PTPN5: variants seen among roughly 807,000 people sequenced by gnomAD.
PTPN5 encodes protein tyrosine phosphatase non-receptor type 5.
Under a neutral mutation model 73.9 loss-of-function variants are expected in PTPN5, and 29 were observed. That is an observed-to-expected ratio of 0.39 (90% CI 0.29 to 0.54). PTPN5 has a LOEUF of 0.54. Among genes scored for constraint, PTPN5 ranks in the 20% least tolerant of loss-of-function variants. The pLI is 0.65. For synonymous variants in PTPN5, 267 were observed against 304.7 expected, an observed-to-expected ratio of 0.88 and a Z score of 1.29; for missense variants, 652 against 751.4, an observed-to-expected ratio of 0.87 and a Z score of 1.55.
chr11:18,788,932 C>T (rs1851790993), intron 1 of PTPN5, among the ~76,000 whole-genome samples: 1 of 152,214 alleles, frequency 6.6e-6, no homozygotes, highest in Non-Finnish European at 1.5e-5. Context: ...TTTGACACTA[C>T]ATACAAATTA....
At chr11:18,775,962 T>C (rs1851131944) in intron 1 of PTPN5, among the ~76,000 whole-genome samples, 9 of 152,140 alleles carry the variant, frequency 5.9e-5, no homozygotes, top group Admixed American at 5.9e-4. Flanking sequence ...GAGTCCAGGT[T>C]CAGCTGTGAT....
chr11:18,740,796 G>C lies in PTPN5; in HGVS notation c.726-4C>G. On this transcript the variant is annotated splice_region_variant and splice_polypyrimidine_tract_variant and intron_variant, in intron 7 of 14. Transcript: ENST00000358540. Reference sequence around the variant, plus strand: ...CAGGGAGACATTGGAACCCCTCCTGGAAGGACCAGGAAAGGGAGTGTGAGC... The same window carrying C: ...CAGGGAGACATTGGAACCCCTCCTGCAAGGACCAGGAAAGGGAGTGTGAGC... The C allele has an allele frequency of 6.6e-7, 1 of 1,508,250 alleles. No individual in the cohort carries two copies. Among genetic ancestry groups the C allele is most frequent in the Non-Finnish European group, 8.9e-7 (1 of 1,121,462 alleles). 93.4% of individuals were successfully genotyped at this position (1,508,250 alleles called of 1,614,324 possible).
rs779465420 is a variant in PTPN5 at position 18,742,346 on chromosome 11, G to C, written c.641C>G (p.Thr214Ser). 1 of 1,614,154 alleles carries C rather than the reference G, an allele frequency of 6.2e-7. No individual in the cohort carries two copies. The highest frequency in any genetic ancestry group is 8.5e-7 in the Non-Finnish European group (1 of 1,180,032). ...DFLDLDPVPE[T>S]PVFDCVMDIK... ...GTCCATCACACAATCAAACACAGGA[G>C]TCTCGGGCACCGGGTCGAGGTCCAG... The change falls in exon 7 of 15, where the codon ACT becomes AGT. Residue 214 changes from threonine to serine, a missense_variant. Physicochemically the swap from Thr to Ser is moderately conservative, Grantham distance 58. Around this residue, in one of 3 missense-constraint regions of PTPN5, gnomAD observed 529 missense variants for 573.9 expected, o/e 0.92. Transcript: ENST00000358540. The surrounding 1 kb of genome is among the most constrained non-coding windows in gnomAD (Gnocchi z 4.1).
intron 3 of PTPN5, chr11:18,744,473 C>T (rs926528669): frequency 4.1e-5 from 13 of 320,406 alleles, no homozygotes; most frequent in East Asian, 2.5e-4. Context: ...GTTGTATTTA[C>T]GCAGCTTCAT....
At chr11:18,783,014 T>C (rs1260236810) in intron 1 of PTPN5, among the ~76,000 whole-genome samples, 1 of 152,220 alleles carries the variant, frequency 6.6e-6, no homozygotes, top group Non-Finnish European at 1.5e-5. Context: ...TGGGAGTATC[T>C]TGGGACAGTG....
chr11:18,755,420 G>A (rs575126427), intron 3 of PTPN5, among the ~76,000 whole-genome samples: 210 of 152,288 alleles, frequency 1.4e-3, no homozygotes, highest in African/African-American at 4.7e-3. Flanking sequence ...AAGTTTTGGG[G>A]GTAATTTGTT....
intron 9 of PTPN5, among the ~76,000 whole-genome samples, chr11:18,734,703 C>T (rs530839343): frequency 9.2e-5 from 14 of 152,306 alleles, no homozygotes; most frequent in African/African-American, 3.1e-4. Flanking sequence ...ATTGACTATT[C>T]TGTCAGCCTG....
chr11:18,782,587 G>A (rs929892366), intron 1 of PTPN5, among the ~76,000 whole-genome samples: 3 of 152,138 alleles, frequency 2.0e-5, no homozygotes, highest in South Asian at 2.1e-4. Context: ...CTTATATGAC[G>A]ATTAGGAACA....
upstream of PTPN5, chr11:18,791,888 G>T (rs922573271): frequency 6.6e-6 from 1 of 152,172 alleles, no homozygotes; most frequent in Non-Finnish European, 1.5e-5. Context: ...CGGGAATTGC[G>T]CAGGGCTGGC....
intron 1 of PTPN5, among the ~76,000 whole-genome samples, chr11:18,782,289 A>C (rs942571509): frequency 6.6e-6 from 1 of 151,470 alleles, no homozygotes; most frequent in Non-Finnish European, 1.5e-5. Flanking sequence ...GTGCAGTGGC[A>C]TGATCTTGGC....
rs1251431712 is a variant in PTPN5, at chr11:18,729,363, AC to A, written c.1604+89del. ...TGCCAGTGTTTTCCATCTGCCCCTC[AC>A]CCCCCGCCCATGCACATGTGGGTCT... is the stretch of plus-strand genomic sequence containing the variant. On this transcript the variant is annotated intron_variant, in intron 14 of 14. Transcript: ENST00000358540. The surrounding 1 kb of genome is among the most constrained non-coding windows in gnomAD (Gnocchi z 5.2). 1.0e-5 allele frequency: 7 copies of A among 695,422 alleles called. No individual in the cohort carries two copies. The highest frequency in any genetic ancestry group is 1.8e-5 in the African/African-American group (1 of 56,594). 43.1% of individuals were successfully genotyped at this position (695,422 alleles called of 1,614,324 possible). A position where few individuals can be genotyped will look rare whatever the true frequency, so the allele number is the denominator to read the frequency against.
chr11:18,732,553 C>T (rs2134191181), intron 12 of PTPN5, 39 bp downstream of exon 12: 3 of 1,517,000 alleles, frequency 2.0e-6, no homozygotes, highest in Non-Finnish European at 2.7e-6. Flanking sequence ...AGCCCCTACA[C>T]TCATCCTCAG....
At chr11:18,773,457 C>T (rs538420226) in intron 1 of PTPN5, among the ~76,000 whole-genome samples, 40 of 152,188 alleles carry the variant, frequency 2.6e-4, no homozygotes, top group African/African-American at 8.9e-4. Flanking sequence ...GCAGGGCTTC[C>T]GCTGCACCCC....
intron 9 of PTPN5, among the ~76,000 whole-genome samples, chr11:18,737,265 A>C (rs972649189): frequency 1.3e-5 from 2 of 152,192 alleles, no homozygotes; most frequent in East Asian, 3.9e-4. Flanking sequence ...ACTGCCCCCA[A>C]AGGAGGAAAA....
chr11:18,779,636 G>C (rs1485199585), intron 1 of PTPN5, among the ~76,000 whole-genome samples: 1 of 152,116 alleles, frequency 6.6e-6, no homozygotes, highest in Non-Finnish European at 1.5e-5. Flanking sequence ...GCCAAGGATG[G>C]CTGATTCTCT....
chr11:18,745,524 C>T (rs1264290200), intron 3 of PTPN5, among the ~76,000 whole-genome samples: 3 of 152,256 alleles, frequency 2.0e-5, no homozygotes, highest in African/African-American at 7.2e-5. Flanking sequence ...GAACATCCCT[C>T]CAACACTCTG....
rs186738027 is a variant in PTPN5 at position 18,784,405 on chromosome 11, C to T, written c.-114+7120G>A. 2.6e-3 allele frequency among the ~76,000 whole-genome samples: 393 copies of T among 151,970 alleles called. 2 individuals are homozygous for T. Among genetic ancestry groups the T allele is most frequent in the Non-Finnish European group, 4.6e-3 (316 of 67,962 alleles). ...GTGAAAGAAGCCAGACAAAAAAAGA[C>T]AAACATGATGCCACTTACACGAGGC... On this transcript the variant is annotated intron_variant, in intron 1 of 14. Coordinates refer to ENST00000358540, the MANE Select transcript of PTPN5 (RefSeq NM_006906.2).
chr11:18,746,824 C>T (rs1450423866), intron 3 of PTPN5, among the ~76,000 whole-genome samples: 5 of 152,136 alleles, frequency 3.3e-5, no homozygotes, highest in Admixed American at 6.5e-5. Flanking sequence ...AGAAGGATCA[C>T]GTGGGAAGGC....
At chr11:18,738,091 T>C (rs1849196940) in intron 8 of PTPN5, 127 bp from the exon 9 acceptor site, 1 of 731,648 alleles carries the variant, frequency 1.4e-6, no homozygotes, top group Non-Finnish European at 2.5e-6. Context: ...TCAACAAACA[T>C]TTACTATTAA....
Sources: allele counts gnomAD v4.1 joint callset (sites outside exome capture counted in the v4.1 genomes callset), GRCh38; gene constraint gnomAD v4.1.1; regional missense constraint gnomAD v4.1.1; non-coding constraint Gnocchi (gnomAD v3.1); transcripts MANE v1.5; gene names NCBI Gene and HGNC (gene_info 2026-07-23, HGNC 2026-07-21).